ATG10: variants seen among roughly 807,000 people sequenced by gnomAD.
ATG10 encodes the protein autophagy related 10.
ATG10 carries 30 observed loss-of-function variants against 32.1 expected under a neutral mutation model. The ratio of observed to expected loss-of-function variants is 0.94; its 90% CI spans 0.70 to 1.27. The LOEUF (loss-of-function observed/expected upper bound fraction) is 1.27. Ranked by LOEUF, ATG10 falls within the 50% of genes most tolerant of loss-of-function variation. The pLI is 0.00. For missense variants in ATG10, 233 were observed against 262.3 expected, an observed-to-expected ratio of 0.89 and a Z score of 0.77; for synonymous variants, 87 against 91.5, an observed-to-expected ratio of 0.95 and a Z score of 0.28.
At chr5:82,233,424 A>T (rs966554) in intron 5 of ATG10, among the ~76,000 whole-genome samples, 88,621 of 152,132 alleles carry the variant, frequency 0.58, 27,925 homozygotes, top group African/African-American at 0.8. Flanking sequence ...TGATTATCCC[A>T]GGAATATATT....
intron 5 of ATG10, among the ~76,000 whole-genome samples, chr5:82,214,756 G>A (rs1452059156): frequency 6.6e-6 from 1 of 152,266 alleles, no homozygotes; most frequent in African/African-American, 2.4e-5. Flanking sequence ...TCTCTTACGA[G>A]GTGGCAGCTA....
rs1744546678 is a variant in ATG10, at chr5:82,188,680, G to A, written c.453+10093G>A. ...GGAGAAGCCTGGGGGCTGGGGGTGA[G>A]GACCAGAGGCAGGCAGAGGACCTGG... On this transcript the variant is annotated intron_variant, in intron 5 of 7. Coordinates refer to ENST00000282185, the MANE Select transcript of ATG10 (RefSeq NM_031482.5). Among the ~76,000 whole-genome samples, 5 of 152,204 alleles carry A rather than the reference G, an allele frequency of 3.3e-5. No individual in the cohort carries two copies. In the South Asian group the frequency reaches 1.0e-3, roughly 32 times the overall value.
chr5:82,063,261 G>A (rs532643846), intron 3 of ATG10, among the ~76,000 whole-genome samples: 1 of 152,248 alleles, frequency 6.6e-6, no homozygotes, highest in East Asian at 1.9e-4. Context: ...TGAGGTTACA[G>A]TGAGCTATGA....
Position 82,078,264 on chromosome 5 carries a change from A to G in ATG10, c.216+19662A>G, listed in dbSNP as rs532011867. ...TTTTGTATCCAAAGAAGACACCAGA[A>G]GTCTGAGAAGATAAAATGATTATTT... On this transcript the variant is annotated intron_variant, in intron 3 of 7. Coordinates refer to ENST00000282185, the MANE Select transcript of ATG10 (RefSeq NM_031482.5). Among the ~76,000 whole-genome samples the G allele has an allele frequency of 3.3e-5, 5 of 152,318 alleles. No individual in the cohort carries two copies. The East Asian group carries it at 9.6e-4, about 29-fold the overall frequency.
intron 2 of ATG10, among the ~76,000 whole-genome samples, chr5:82,049,850 A>T (rs993813932): frequency 1.3e-5 from 2 of 152,156 alleles, no homozygotes; most frequent in East Asian, 3.8e-4. Context: ...GTTTTAATGA[A>T]GTTTTCTTAC....
At chr5:82,057,039 T>A (rs1763625515) in intron 2 of ATG10, among the ~76,000 whole-genome samples, 1 of 152,152 alleles carries the variant, frequency 6.6e-6, no homozygotes, top group Admixed American at 6.6e-5. Context: ...TAATTAAAAA[T>A]GACAGTATTG....
rs190924922 is a variant in ATG10, at chr5:81,982,977, T to A, written c.-12-4582T>A. Among the ~76,000 whole-genome samples the A allele has an allele frequency of 7.9e-5, 12 of 152,322 alleles. No individual in the cohort carries two copies. The East Asian group carries it at 2.3e-3, about 29-fold the overall frequency. ...TCTTTCTACACAGACACGGCAACCA[T>A]CCCATTTCTCAGTCTTTTCCCCACC... On this transcript the variant is annotated intron_variant, in intron 1 of 7. Coordinates refer to ENST00000282185, the MANE Select transcript of ATG10 (RefSeq NM_031482.5).
At chr5:82,103,041 C>G (rs1561299728) in intron 3 of ATG10, among the ~76,000 whole-genome samples, 4 of 152,006 alleles carry the variant, frequency 2.6e-5, no homozygotes, top group Admixed American at 2.6e-4. Flanking sequence ...GATTATTTGT[C>G]TTTTTCCTTC....
At chr5:82,230,212 AG>A (rs1018922695) in intron 5 of ATG10, among the ~76,000 whole-genome samples, 2 of 152,306 alleles carry the variant, frequency 1.3e-5, no homozygotes, top group African/African-American at 4.8e-5. Flanking sequence ...TTTCAAAGGA[AG>A]GGTTAGTTCT....
At chr5:81,998,546 CA>C (rs2149680881) in intron 2 of ATG10, among the ~76,000 whole-genome samples, 1 of 152,112 alleles carries the variant, frequency 6.6e-6, no homozygotes, top group African/African-American at 2.4e-5. Flanking sequence ...CAATATGAAC[CA>C]TGAATGTAGA....
intron 5 of ATG10, among the ~76,000 whole-genome samples, chr5:82,239,339 T>C (rs75400271): frequency 6.6e-6 from 1 of 152,326 alleles, no homozygotes; most frequent in Non-Finnish European, 1.5e-5. Flanking sequence ...CAAATATTTA[T>C]TGAGTACCTA....
intron 5 of ATG10, among the ~76,000 whole-genome samples, chr5:82,206,171 T>C (rs1379212517): frequency 6.6e-6 from 1 of 152,152 alleles, no homozygotes; most frequent in Admixed American, 6.5e-5. Context: ...GGCTGTAGCG[T>C]AGGATGGGGC....
intron 3 of ATG10, among the ~76,000 whole-genome samples, chr5:82,138,369 C>T (rs72776880): frequency 0.081 from 12,325 of 152,214 alleles, 738 homozygotes; most frequent in African/African-American, 0.17. Flanking sequence ...GGCACTCAAG[C>T]GAGTCTCCTG....
intron 5 of ATG10, among the ~76,000 whole-genome samples, chr5:82,211,294 T>C (rs1021023544): frequency 6.6e-6 from 1 of 152,208 alleles, no homozygotes; most frequent in African/African-American, 2.4e-5. Context: ...CATTTCTTCC[T>C]ATCTTATAGT....
chr5:82,238,160 C>G (rs1247927399), intron 5 of ATG10, among the ~76,000 whole-genome samples: 1 of 152,164 alleles, frequency 6.6e-6, no homozygotes, highest in African/African-American at 2.4e-5. Flanking sequence ...GTCCTTGGAA[C>G]ACCCTCCACC....
At chr5:82,129,668 C>CG (rs2149839688) in intron 3 of ATG10, among the ~76,000 whole-genome samples, 1 of 152,256 alleles carries the variant, frequency 6.6e-6, no homozygotes, top group South Asian at 2.1e-4. Flanking sequence ...TTATCACCAG[C>CG]GGAGGCTGCA....
In ATG10 at chr5:82,203,750, CTTA is replaced by C. The variant is rs141636790; in HGVS notation, c.453+25165_453+25167del. On this transcript the variant is annotated intron_variant, in intron 5 of 7. Coordinates refer to ENST00000282185, the MANE Select transcript of ATG10 (RefSeq NM_031482.5). ...GTTTGTTCTGTCTTTTTGATTTCCT[CTTA>C]TGACATTCTGCTCCAATCTTAAGGA... is the stretch of plus-strand genomic sequence containing the variant. 6.5e-3 allele frequency among the ~76,000 whole-genome samples: 991 copies of C among 152,118 alleles called. 8 individuals are homozygous for C. The highest frequency in any genetic ancestry group is 0.023 in the African/African-American group (936 of 41,510).
intron 5 of ATG10, among the ~76,000 whole-genome samples, chr5:82,237,613 G>A (rs1216266874): frequency 2.6e-5 from 4 of 151,460 alleles, no homozygotes; most frequent in African/African-American, 9.7e-5. Context: ...ATTGCACTCC[G>A]GCCTGGATGA....
intron 2 of ATG10, among the ~76,000 whole-genome samples, chr5:82,026,158 C>G (rs1246119219): frequency 6.6e-6 from 1 of 152,114 alleles, no homozygotes; most frequent in Admixed American, 6.5e-5. Context: ...TTTCCTCCAG[C>G]CCCTGGCAAC....
Sources: allele counts gnomAD v4.1 joint callset (sites outside exome capture counted in the v4.1 genomes callset), GRCh38; gene constraint gnomAD v4.1.1; transcripts MANE v1.5; gene names NCBI Gene and HGNC (gene_info 2026-07-23, HGNC 2026-07-21).